The following USH2A variants were observed in gnomAD, a reference collection of about 807,000 sequenced individuals.
The protein encoded by USH2A is usherin, also known as Usher syndrome 2A (autosomal recessive, mild).
In USH2A, 443 loss-of-function variants were observed where a neutral mutation model predicts 538.9. The ratio of observed to expected loss-of-function variants is 0.82; its 90% CI spans 0.76 to 0.89. The LOEUF (loss-of-function observed/expected upper bound fraction) is 0.89. Among genes scored for constraint, USH2A ranks in the 40% least tolerant of loss-of-function variants. USH2A has a pLI of 0.00. For synonymous variants in USH2A, 2,413 were observed against 2,273.5 expected, an observed-to-expected ratio of 1.06 and a Z score of -1.75; for missense variants, 6,633 against 6,324.8, an observed-to-expected ratio of 1.05 and a Z score of -1.65.
At chr1:215,641,358 T>G (rs201357981) in intron 67 of USH2A, among the ~76,000 whole-genome samples, 6,323 of 152,270 alleles carry the variant, frequency 0.042, 453 homozygotes, top group African/African-American at 0.14. Flanking sequence ...TTCATGGCCC[T>G]GACTAATCAA....
At chr1:216,243,671 G>A (rs1171191326) in intron 13 of USH2A, among the ~76,000 whole-genome samples, 1 of 152,204 alleles carries the variant, frequency 6.6e-6, no homozygotes, top group African/African-American at 2.4e-5. Flanking sequence ...GAAGTTCCCT[G>A]TAGAGAAGGA....
intron 61 of USH2A, among the ~76,000 whole-genome samples, chr1:215,712,698 A>G (rs934149000): frequency 6.6e-6 from 1 of 152,126 alleles, no homozygotes; most frequent in Non-Finnish European, 1.5e-5. Flanking sequence ...TGCTACTAAC[A>G]TATTTAGTGA....
In USH2A at chr1:216,325,211, G is replaced by A. The variant is rs1045205180; in HGVS notation, c.1143+94C>T. ...TATTTCTGATCTCCAGAACTGTTAG[G>A]GAATATATTTCTGTTGTTTTAAGAC... On this transcript the variant is annotated intron_variant, in intron 6 of 71. Transcript: ENST00000307340. 21 of 1,337,386 alleles carry A rather than the reference G, an allele frequency of 1.6e-5. No homozygotes were observed. In the African/African-American group the frequency reaches 2.2e-4, roughly 14 times the overall value. The allele number at this position is 1,337,386 out of a possible 1,614,324, so 82.8% of individuals were successfully genotyped here.
intron 61 of USH2A, among the ~76,000 whole-genome samples, chr1:215,707,338 T>C (rs1659209935): frequency 6.6e-6 from 1 of 152,170 alleles, no homozygotes; most frequent in Admixed American, 6.5e-5. Flanking sequence ...CTTAGAAGAA[T>C]TGAGTTTAAG....
intron 21 of USH2A, among the ~76,000 whole-genome samples, chr1:216,155,954 G>A (rs2033928566): frequency 6.6e-6 from 1 of 152,080 alleles, no homozygotes; most frequent in Non-Finnish European, 1.5e-5. Flanking sequence ...AATGGTACAT[G>A]TACAATATCA....
chr1:216,144,663 G>A (rs572623281), intron 21 of USH2A, among the ~76,000 whole-genome samples: 8 of 152,166 alleles, frequency 5.3e-5, no homozygotes, highest in African/African-American at 9.6e-5. Flanking sequence ...TCAGCTTTTC[G>A]CCTACCTGAC....
At chr1:216,209,197 G>A (rs2035183509) in intron 15 of USH2A, among the ~76,000 whole-genome samples, 1 of 152,206 alleles carries the variant, frequency 6.6e-6, no homozygotes. Flanking sequence ...GGACAGAAAT[G>A]ACTGTATGAA....
At position 216,145,236 on chromosome 1, in the gene USH2A, G is replaced by A. The variant is rs74520544; in HGVS notation, c.4627+30016C>T. Among the ~76,000 whole-genome samples, 1,326 of 152,130 alleles carry A rather than the reference G, an allele frequency of 8.7e-3. 24 individuals are homozygous for A. The highest frequency in any genetic ancestry group is 0.029 in the African/African-American group (1,182 of 41,464). On this transcript the variant is annotated intron_variant, in intron 21 of 71. Transcript: ENST00000307340. Reference sequence around the variant, plus strand: ...AAATTCCAATTCCAAATTCTCATGCGAACAGAATCAGTTCTGCATGGAGCA... The same window carrying A: ...AAATTCCAATTCCAAATTCTCATGCAAACAGAATCAGTTCTGCATGGAGCA...
chr1:215,666,846 C>T (rs892643208), intron 64 of USH2A, among the ~76,000 whole-genome samples: 3 of 152,096 alleles, frequency 2.0e-5, no homozygotes, highest in African/African-American at 4.8e-5. Flanking sequence ...AATCCCAGCA[C>T]TTTGGGAGGC....
intron 4 of USH2A, among the ~76,000 whole-genome samples, chr1:216,354,948 T>C (rs960013786): frequency 2.0e-5 from 3 of 152,064 alleles, no homozygotes; most frequent in African/African-American, 7.2e-5. Flanking sequence ...ATGAAAATCA[T>C]TCCTAGGCAT....
At chr1:215,693,195 G>A (rs1658681184) in intron 61 of USH2A, among the ~76,000 whole-genome samples, 1 of 150,812 alleles carries the variant, frequency 6.6e-6, no homozygotes, top group East Asian at 2.0e-4. Flanking sequence ...TGCCCAGGCT[G>A]GTCTTGAACT....
intron 60 of USH2A, among the ~76,000 whole-genome samples, chr1:215,734,410 C>G (rs760194530): frequency 1.3e-4 from 20 of 152,150 alleles, no homozygotes; most frequent in Non-Finnish European, 2.9e-4. Context: ...CTCTGAAATG[C>G]CTTCTAGGCC....
chr1:216,254,026 T>G (rs1571626270), intron 11 of USH2A, among the ~76,000 whole-genome samples: 1 of 152,278 alleles, frequency 6.6e-6, no homozygotes, highest in South Asian at 2.1e-4. Context: ...GTGTATAATA[T>G]TGCCTTGATT....
At chr1:216,286,866 A>G (rs181980100) in intron 11 of USH2A, among the ~76,000 whole-genome samples, 1 of 152,366 alleles carries the variant, frequency 6.6e-6, no homozygotes, top group African/African-American at 2.4e-5. Flanking sequence ...AGAATGGGGT[A>G]AACTTTAAAG....
At chr1:216,019,491 C>T (rs1031030867) in intron 32 of USH2A, among the ~76,000 whole-genome samples, 2 of 152,156 alleles carry the variant, frequency 1.3e-5, no homozygotes, top group African/African-American at 4.8e-5. Flanking sequence ...CTGGTGTTAG[C>T]TGCCTGCATG....
intron 38 of USH2A, among the ~76,000 whole-genome samples, chr1:215,902,211 AG>A (rs1029593772): frequency 6.6e-6 from 1 of 152,158 alleles, no homozygotes; most frequent in Non-Finnish European, 1.5e-5. Context: ...ATGAAATATC[AG>A]GGTCCATTTT....
chr1:216,003,912 G>A (rs1365529430), intron 32 of USH2A, among the ~76,000 whole-genome samples: 2 of 152,160 alleles, frequency 1.3e-5, no homozygotes, highest in East Asian at 1.9e-4. Flanking sequence ...GTAATATCAA[G>A]TAAGTGGGGG....
intron 13 of USH2A, among the ~76,000 whole-genome samples, chr1:216,243,978 G>A (rs2035984882): frequency 1.3e-5 from 2 of 152,218 alleles, no homozygotes; most frequent in African/African-American, 2.4e-5. Context: ...TGAACATGAA[G>A]ACAATAGAAG....
intron 16 of USH2A, among the ~76,000 whole-genome samples, chr1:216,201,196 C>T (rs2102470401): frequency 6.6e-6 from 1 of 151,876 alleles, no homozygotes; most frequent in East Asian, 1.9e-4. Context: ...CTCCCCCAGC[C>T]TATCCCCATC....
Sources: gnomAD v4.1 joint callset for allele counts (sites outside exome capture counted in the v4.1 genomes callset) on GRCh38, gnomAD v4.1.1 for gene constraint, MANE v1.5 for transcripts, NCBI Gene and HGNC (gene_info 2026-07-23, HGNC 2026-07-21) for gene names.